RPS6KA2: variants seen among roughly 807,000 people sequenced by gnomAD.
The protein encoded by RPS6KA2 is ribosomal protein S6 kinase A2.
Under a neutral mutation model 91.8 loss-of-function variants are expected in RPS6KA2, and 42 were observed. The observed-to-expected ratio is 0.46, with a 90% CI of 0.36 to 0.59. The LOEUF is 0.59. Ranked by LOEUF, RPS6KA2 falls within the 20% of genes least tolerant of loss-of-function variation. The probability of loss-of-function intolerance (pLI) is 0.00; values close to 1 mark genes in which losing one functional copy is unlikely to be tolerated. For missense variants in RPS6KA2, 798 were observed against 978.5 expected (o/e 0.82, Z 2.46); for synonymous variants, 414 against 393.6 (o/e 1.05, Z -0.61).
chr6:166,605,019 C>G (rs1442808717), intron 1 of RPS6KA2, among the ~76,000 whole-genome samples: 1 of 152,038 alleles, frequency 6.6e-6, no homozygotes, highest in African/African-American at 2.4e-5. Context: ...CCACAGCTGG[C>G]CCCTCAGGCC....
At chr6:166,656,857 G>A (rs1332819915) in intron 2 of RPS6KA2, among the ~76,000 whole-genome samples, 2 of 152,174 alleles carry the variant, frequency 1.3e-5, no homozygotes, top group Non-Finnish European at 2.9e-5. Flanking sequence ...GTGAAAGCCC[G>A]GGCAAACAGA....
chr6:166,648,487 A>G lies in RPS6KA2; in HGVS notation c.124-109703T>C, dbSNP rs1165410171. On this transcript the variant is annotated intron_variant, in intron 2 of 21. Coordinates refer to the RPS6KA2 transcript ENST00000503859. The surrounding 1 kb of genome is among the most constrained non-coding windows in gnomAD (Gnocchi z 4.8). ...TACTTGAGAGCAGAAGCCATGTCTC[A>G]TTTGACAAACAGGCAGCTGGCACGG... is the stretch of plus-strand genomic sequence containing the variant. 6.6e-6 allele frequency among the ~76,000 whole-genome samples: 1 copy of G among 152,244 alleles called. No individual in the cohort carries two copies. The highest frequency in any genetic ancestry group is 1.5e-5 in the Non-Finnish European group (1 of 68,042).
intron 1 of RPS6KA2, among the ~76,000 whole-genome samples, chr6:166,579,516 T>C (rs1195708419): frequency 6.6e-6 from 1 of 152,246 alleles, no homozygotes; most frequent in Non-Finnish European, 1.5e-5. Flanking sequence ...AAGTGGGTTA[T>C]ATTTAAACAA....
intron 11 of RPS6KA2, among the ~76,000 whole-genome samples, chr6:166,467,556 G>C (rs2128463925): frequency 6.6e-6 from 1 of 152,334 alleles, no homozygotes; most frequent in South Asian, 2.1e-4. Context: ...GAGGAGACCA[G>C]TGAGCCCTTG....
chr6:166,602,417 A>G (rs1050135622), intron 1 of RPS6KA2, among the ~76,000 whole-genome samples: 1 of 152,200 alleles, frequency 6.6e-6, no homozygotes, highest in Non-Finnish European at 1.5e-5. Flanking sequence ...GATGCACAAG[A>G]TCATTCATGG....
intron 2 of RPS6KA2, among the ~76,000 whole-genome samples, chr6:166,646,450 G>A (rs1465506213): frequency 2.6e-5 from 4 of 152,232 alleles, no homozygotes; most frequent in East Asian, 1.9e-4. Flanking sequence ...AACCTTACAG[G>A]ATAAGTCCTA....
At position 166,554,391 on chromosome 6, in the gene RPS6KA2, C is replaced by T. The variant is rs1359005147; in HGVS notation, c.100-15607G>A. On this transcript the variant is annotated intron_variant, in intron 1 of 20. Transcript: ENST00000265678. The surrounding 1 kb of genome is among the most constrained non-coding windows in gnomAD (Gnocchi z 4.3). ...TGAATGTGATATAAAGCTTAACCTG[C>T]CTCCTTTTGTTGTAAACATTGGATG... Among the ~76,000 whole-genome samples, 1 of 152,262 alleles carries T rather than the reference C, an allele frequency of 6.6e-6. No homozygotes were observed. Among genetic ancestry groups the T allele is most frequent in the African/African-American group, 2.4e-5 (1 of 41,474 alleles).
At chr6:166,806,389 C>T (rs1240614853) in intron 2 of RPS6KA2, among the ~76,000 whole-genome samples, 2 of 152,166 alleles carry the variant, frequency 1.3e-5, no homozygotes, top group African/African-American at 4.8e-5. Context: ...AGAAGTGACT[C>T]ATCACATACA....
chr6:166,484,993 C>CT (rs1781356603), intron 10 of RPS6KA2, among the ~76,000 whole-genome samples: 1 of 152,210 alleles, frequency 6.6e-6, no homozygotes, highest in Admixed American at 6.5e-5. Context: ...ATCAACAGCA[C>CT]CGTGCCGGGG....
At chr6:166,614,615 G>A (rs1411397920) in intron 1 of RPS6KA2, among the ~76,000 whole-genome samples, 1 of 152,236 alleles carries the variant, frequency 6.6e-6, no homozygotes, top group African/African-American at 2.4e-5. Flanking sequence ...CAAATTCAGT[G>A]GTTTGAAACA....
intron 16 of RPS6KA2, among the ~76,000 whole-genome samples, chr6:166,426,308 T>C (rs1162624780): frequency 7.2e-6 from 1 of 138,272 alleles, no homozygotes; most frequent in South Asian, 2.6e-4. Context: ...AAGCAGTGTG[T>C]AGAGGGAAAT....
chr6:166,764,895 C>T lies in RPS6KA2; in HGVS notation c.123+93305G>A, dbSNP rs1778269344. Reference sequence around the variant, plus strand: ...GTTCACACACATGTGTATCAACACACATATGCAGGAACGACAAAGCACTTT... The same window carrying T: ...GTTCACACACATGTGTATCAACACATATATGCAGGAACGACAAAGCACTTT... On this transcript the variant is annotated intron_variant, in intron 2 of 21. Transcript: ENST00000503859. 2.0e-5 allele frequency among the ~76,000 whole-genome samples: 3 copies of T among 152,264 alleles called. No individual in the cohort carries two copies. In the South Asian group the frequency reaches 6.2e-4, roughly 31 times the overall value.
intron 2 of RPS6KA2, among the ~76,000 whole-genome samples, chr6:166,534,520 TAAAC>T (rs1392191770): frequency 1.3e-5 from 2 of 152,222 alleles, no homozygotes; most frequent in Non-Finnish European, 2.9e-5. Flanking sequence ...TACGACCGTA[TAAAC>T]TCAAAGAGCA....
chr6:166,650,640 G>C (rs1787827796), intron 2 of RPS6KA2, among the ~76,000 whole-genome samples: 1 of 152,226 alleles, frequency 6.6e-6, no homozygotes, highest in South Asian at 2.1e-4. Flanking sequence ...TATTTTTGCA[G>C]TGTTGTATGT....
At chr6:166,520,155 CCATTG>C (rs1297752926) in intron 3 of RPS6KA2, among the ~76,000 whole-genome samples, 1 of 152,184 alleles carries the variant, frequency 6.6e-6, no homozygotes, top group Non-Finnish European at 1.5e-5. Flanking sequence ...GAGACTTAAA[CCATTG>C]CACTCCTCTC....
rs1780760324 is a variant in RPS6KA2, at chr6:166,852,120, C to A, written c.123+6080G>T. Among the ~76,000 whole-genome samples the A allele has an allele frequency of 6.6e-6, 1 of 152,156 alleles. No individual in the cohort carries two copies. The highest frequency in any genetic ancestry group is 2.1e-4 in the South Asian group (1 of 4,828). ...CCAGGAGGCATGATGCTTACCCTAC[C>A]CTTTTCTAGCATTTCTGCAAGGACT... is the stretch of plus-strand genomic sequence containing the variant. On this transcript the variant is annotated intron_variant, in intron 2 of 21. Coordinates refer to the RPS6KA2 transcript ENST00000503859. The surrounding 1 kb of genome is among the most constrained non-coding windows in gnomAD (Gnocchi z 4.1).
intron 1 of RPS6KA2, among the ~76,000 whole-genome samples, chr6:166,543,216 G>A (rs1377379936): frequency 2.6e-5 from 4 of 152,146 alleles, no homozygotes; most frequent in African/African-American, 7.2e-5. Flanking sequence ...GTACCACATC[G>A]CAAGTCATTC....
At chr6:166,809,963 G>C (rs1779587417) in intron 2 of RPS6KA2, among the ~76,000 whole-genome samples, 1 of 152,202 alleles carries the variant, frequency 6.6e-6, no homozygotes, top group Non-Finnish European at 1.5e-5. Context: ...AAATACCTGA[G>C]ACTGGGTAAT....
intron 3 of RPS6KA2, among the ~76,000 whole-genome samples, chr6:166,512,060 G>A (rs1207372748): frequency 6.6e-6 from 1 of 152,104 alleles, no homozygotes; most frequent in Non-Finnish European, 1.5e-5. Context: ...TCAACAGATG[G>A]ATGAACAAAA....
Sources: allele counts gnomAD v4.1 joint callset (sites outside exome capture counted in the v4.1 genomes callset), GRCh38; gene constraint gnomAD v4.1.1; non-coding constraint Gnocchi (gnomAD v3.1); transcripts MANE v1.5; gene names NCBI Gene and HGNC (gene_info 2026-07-23, HGNC 2026-07-21).